ANO2: variants seen among roughly 807,000 people sequenced by gnomAD.
The protein encoded by ANO2 is anoctamin-2.
Under a neutral mutation model 124.2 loss-of-function variants are expected in ANO2, and 101 were observed. The observed-to-expected ratio is 0.81, with a 90% CI of 0.69 to 0.96. The LOEUF (loss-of-function observed/expected upper bound fraction) is 0.96. ANO2 is among the 40% of genes least tolerant of loss of function. The pLI, the probability that ANO2 is intolerant of heterozygous loss-of-function variation, is 0.00. For synonymous variants in ANO2, 486 were observed against 482.5 expected (o/e 1.01, Z -0.09); for missense variants, 1,293 against 1,274.5 (o/e 1.01, Z -0.22).
At chr12:5,623,153 A>G (rs1364431910) in intron 16 of ANO2, among the ~76,000 whole-genome samples, 1 of 152,080 alleles carries the variant, frequency 6.6e-6, no homozygotes, top group Admixed American at 6.5e-5. Flanking sequence ...TCTCAACCCC[A>G]TGAAAAAATG....
chr12:5,882,432 T>C (rs1269012057), intron 3 of ANO2, among the ~76,000 whole-genome samples: 1 of 152,224 alleles, frequency 6.6e-6, no homozygotes, highest in Non-Finnish European at 1.5e-5. Context: ...TTGAGAGGCA[T>C]GGACTTTAAT....
At chr12:5,943,931 C>A (rs550664737) in intron 1 of ANO2, among the ~76,000 whole-genome samples, 1 of 152,174 alleles carries the variant, frequency 6.6e-6, no homozygotes, top group African/African-American at 2.4e-5. Flanking sequence ...GATGGCACAC[C>A]TGGAAACTGG....
chr12:5,924,595 C>T (rs1427349823), intron 1 of ANO2, among the ~76,000 whole-genome samples: 1 of 152,196 alleles, frequency 6.6e-6, no homozygotes, highest in South Asian at 2.1e-4. Context: ...AAATATTAAG[C>T]CGAAAGCTGA....
chr12:5,676,666 A>T (rs1302533479), intron 14 of ANO2, among the ~76,000 whole-genome samples: 2 of 152,164 alleles, frequency 1.3e-5, no homozygotes, highest in Non-Finnish European at 2.9e-5. Context: ...ACTTATTTTT[A>T]AATGCCCCTC....
At chr12:5,691,628 G>A (rs890189677) in intron 14 of ANO2, among the ~76,000 whole-genome samples, 3 of 152,104 alleles carry the variant, frequency 2.0e-5, no homozygotes, top group African/African-American at 7.2e-5. Context: ...TGCAGGCCAG[G>A]CACAGTGGCT....
At chr12:5,693,249 C>T (rs1047886453) in intron 14 of ANO2, among the ~76,000 whole-genome samples, 3 of 152,170 alleles carry the variant, frequency 2.0e-5, no homozygotes, top group African/African-American at 4.8e-5. Flanking sequence ...TCACAAATGT[C>T]ACATGTTCAT....
intron 1 of ANO2, among the ~76,000 whole-genome samples, chr12:5,938,544 G>A (rs1055673689): frequency 3.9e-5 from 6 of 152,214 alleles, no homozygotes; most frequent in Non-Finnish European, 7.3e-5. Flanking sequence ...CTAAGGGCCA[G>A]GCATGGTGGC....
chr12:5,564,795 G>T (rs1941651781), intron 24 of ANO2, among the ~76,000 whole-genome samples: 1 of 152,190 alleles, frequency 6.6e-6, no homozygotes, highest in Non-Finnish European at 1.5e-5. Context: ...TTCTTTAGGT[G>T]AAAGACTAGC....
chr12:5,691,144 G>A (rs936803715), intron 14 of ANO2, among the ~76,000 whole-genome samples: 43 of 151,900 alleles, frequency 2.8e-4, no homozygotes, highest in African/African-American at 9.7e-4. Flanking sequence ...CCTGACCAAC[G>A]TGGTGAAACC....
chr12:5,849,573 G>C (rs1350706798), intron 4 of ANO2, among the ~76,000 whole-genome samples: 1 of 152,146 alleles, frequency 6.6e-6, no homozygotes, highest in East Asian at 1.9e-4. Flanking sequence ...CAAAATGCTG[G>C]CTCTTCTGTT....
chr12:5,785,922 C>T (rs1022669934), intron 10 of ANO2, among the ~76,000 whole-genome samples: 28 of 152,270 alleles, frequency 1.8e-4, no homozygotes, highest in African/African-American at 6.0e-4. Flanking sequence ...CTGATATACA[C>T]CATGTGTCCC....
At chr12:5,795,012 G>A (rs116924171) in intron 10 of ANO2, among the ~76,000 whole-genome samples, 26 of 152,302 alleles carry the variant, frequency 1.7e-4, no homozygotes, top group East Asian at 1.4e-3. Flanking sequence ...GTCTCCCTCC[G>A]GGGGTGCTCA....
intron 4 of ANO2, among the ~76,000 whole-genome samples, chr12:5,836,080 GA>G (rs5796197): frequency 0.92 from 139,467 of 152,216 alleles, 64,284 homozygotes; most frequent in East Asian, 1. Context: ...GACCAACCAG[GA>G]CTATTCCTTT....
chr12:5,901,524 G>A (rs374899898), intron 3 of ANO2, among the ~76,000 whole-genome samples: 1 of 152,228 alleles, frequency 6.6e-6, no homozygotes, highest in Non-Finnish European at 1.5e-5. Flanking sequence ...CTGGGAAGAA[G>A]TCTGAAGGAC....
intron 1 of ANO2, among the ~76,000 whole-genome samples, chr12:5,935,931 G>C (rs73047684): frequency 0.012 from 1,785 of 152,278 alleles, 10 homozygotes; most frequent in South Asian, 0.02. Flanking sequence ...CACAGATCTT[G>C]AAATATTAGA....
chr12:5,739,629 A>ACACACG, intron 12 of ANO2, among the ~76,000 whole-genome samples: 1 of 150,110 alleles, frequency 6.7e-6, no homozygotes, highest in South Asian at 2.1e-4. Flanking sequence ...ACACACACAC[A>ACACACG]CGCTCCTTTC....
Position 5,804,512 on chromosome 12 carries a change from C to T in ANO2, c.990+1540G>A, listed in dbSNP as rs949603139. ...TTGTTCACCTTCACGAAGCATCTTT[C>T]TGACATCAACTTTGGGAGTTATCCA... On this transcript the variant is annotated intron_variant, in intron 9 of 24. Transcript: ENST00000682330. 2.0e-5 allele frequency among the ~76,000 whole-genome samples: 3 copies of T among 152,198 alleles called. No homozygotes were observed. The East Asian group carries it at 5.8e-4, about 29-fold the overall frequency.
At chr12:5,856,596 T>C (rs920950001) in intron 3 of ANO2, 11 of 152,230 alleles carry the variant, frequency 7.2e-5, no homozygotes, top group African/African-American at 2.7e-4. Context: ...TAGGTGCTTT[T>C]TGCCCCGTCA....
chr12:5,792,281 A>G (rs1952720120), intron 10 of ANO2, among the ~76,000 whole-genome samples: 1 of 152,188 alleles, frequency 6.6e-6, no homozygotes, highest in Non-Finnish European at 1.5e-5. Context: ...ACACATACAC[A>G]GGCACATTAC....
Sources: gnomAD v4.1 joint callset for allele counts (sites outside exome capture counted in the v4.1 genomes callset) on GRCh38, gnomAD v4.1.1 for gene constraint, MANE v1.5 for transcripts, NCBI Gene and HGNC (gene_info 2026-07-23, HGNC 2026-07-21) for gene names.